Variants in AUH observed in about 807,000 individuals in gnomAD.
AUH encodes the protein methylglutaconyl-CoA hydratase, mitochondrial.
A neutral mutation model predicts 42.3 loss-of-function variants in AUH; 29 were observed. That is an observed-to-expected ratio of 0.69 (90% CI 0.51 to 0.93). The LOEUF (loss-of-function observed/expected upper bound fraction) is 0.93, where lower values mean the gene tolerates loss of function less well. AUH is among the 40% of genes least tolerant of loss of function. The pLI, the probability that AUH is intolerant of heterozygous loss-of-function variation, is 0.00. For synonymous variants in AUH, 174 were observed against 166.4 expected (o/e 1.05, Z -0.35); for missense variants, 452 against 438.1 (o/e 1.03, Z -0.28).
At chr9:91,233,818 G>A (rs547734665) in intron 6 of AUH, among the ~76,000 whole-genome samples, 6 of 152,272 alleles carry the variant, frequency 3.9e-5, no homozygotes, top group Non-Finnish European at 8.8e-5. Flanking sequence ...TAAGGTTGTG[G>A]TTTTTGCAGA....
intron 4 of AUH, among the ~76,000 whole-genome samples, chr9:91,316,694 T>C (rs1236771549): frequency 1.3e-5 from 2 of 152,236 alleles, no homozygotes; most frequent in African/African-American, 2.4e-5. Context: ...TGAAATGTTT[T>C]TCTGTCATGT....
At position 91,308,348 on chromosome 9, in the gene AUH, G is replaced by A. The variant is rs77260824; in HGVS notation, c.506-10272C>T. ...TGCACTTCAGCCTGGGCAAGAGAGC[G>A]AGACACTGTCTCTAAAAACAAGAAA... On this transcript the variant is annotated intron_variant, in intron 4 of 9. Coordinates refer to ENST00000375731, the MANE Select transcript of AUH (RefSeq NM_001698.3). Among the ~76,000 whole-genome samples, 969 of 152,252 alleles carry A rather than the reference G, an allele frequency of 6.4e-3. 6 individuals are homozygous for A. The highest frequency in any genetic ancestry group is 0.022 in the African/African-American group (909 of 41,530).
chr9:91,309,495 G>A (rs1448846678), intron 4 of AUH, among the ~76,000 whole-genome samples: 4 of 152,132 alleles, frequency 2.6e-5, no homozygotes, highest in Non-Finnish European at 5.9e-5. Flanking sequence ...ATAAAAGAAT[G>A]AAACCACGTC....
At chr9:91,280,907 C>T (rs1825907382) in intron 6 of AUH, among the ~76,000 whole-genome samples, 1 of 152,202 alleles carries the variant, frequency 6.6e-6, no homozygotes, top group African/African-American at 2.4e-5. Context: ...CTACAACACA[C>T]TTTCTCCATT....
chr9:91,257,164 C>G (rs993128467), intron 6 of AUH, among the ~76,000 whole-genome samples: 1 of 152,068 alleles, frequency 6.6e-6, no homozygotes, highest in Non-Finnish European at 1.5e-5. Flanking sequence ...AAAATGGTTA[C>G]GTTGATCTAG....
At chr9:91,349,221 T>C (rs1046083153) in intron 3 of AUH, among the ~76,000 whole-genome samples, 8 of 152,214 alleles carry the variant, frequency 5.3e-5, no homozygotes, top group Non-Finnish European at 1.0e-4. Flanking sequence ...AGTCACTCTT[T>C]AGTCATAACA....
intron 6 of AUH, among the ~76,000 whole-genome samples, chr9:91,258,580 A>C (rs1829536078): frequency 6.6e-6 from 1 of 152,178 alleles, no homozygotes; most frequent in South Asian, 2.1e-4. Flanking sequence ...CACTGGCAAA[A>C]ACCTATGGGA....
chr9:91,282,155 T>A lies in AUH; in HGVS notation c.655+13866A>T, dbSNP rs1332056612. Reference sequence around the variant, plus strand: ...GATGTGGTGAATGTTCCAAGCACACTCCCATCTAAGGCCTCTTTACTAGTT... The same window carrying A: ...GATGTGGTGAATGTTCCAAGCACACACCCATCTAAGGCCTCTTTACTAGTT... On this transcript the variant is annotated intron_variant, in intron 6 of 9. Transcript: ENST00000375731. Among the ~76,000 whole-genome samples the A allele has an allele frequency of 2.0e-5, 3 of 152,130 alleles. No homozygotes were observed. The East Asian group carries it at 5.8e-4, about 29-fold the overall frequency.
intron 6 of AUH, among the ~76,000 whole-genome samples, chr9:91,246,405 T>C (rs895857789): frequency 2.6e-5 from 4 of 152,290 alleles, no homozygotes; most frequent in South Asian, 4.1e-4. Context: ...GGCACACACA[T>C]GGCATCCTAA....
At chr9:91,235,670 C>T (rs1386986118) in intron 6 of AUH, among the ~76,000 whole-genome samples, 1 of 152,182 alleles carries the variant, frequency 6.6e-6, no homozygotes, top group African/African-American at 2.4e-5. Context: ...TTCAGCTGCT[C>T]AGGTGCAGCC....
At chr9:91,251,615 G>C (rs1829130519) in intron 6 of AUH, among the ~76,000 whole-genome samples, 1 of 152,158 alleles carries the variant, frequency 6.6e-6, no homozygotes. Flanking sequence ...AAGGGAAAGG[G>C]AGCCAAATGT....
intron 4 of AUH, among the ~76,000 whole-genome samples, chr9:91,313,084 T>C (rs1008533018): frequency 1.3e-5 from 2 of 152,160 alleles, no homozygotes; most frequent in African/African-American, 4.8e-5. Flanking sequence ...GGGGTTGTTT[T>C]TTTGGCAAGG....
At chr9:91,242,565 T>C (rs1458436501) in intron 6 of AUH, among the ~76,000 whole-genome samples, 1 of 152,206 alleles carries the variant, frequency 6.6e-6, no homozygotes, top group Non-Finnish European at 1.5e-5. Flanking sequence ...AAACACACCG[T>C]ACTTGCCAAC....
At chr9:91,223,252 G>A (rs1004061397) in intron 6 of AUH, among the ~76,000 whole-genome samples, 6 of 152,250 alleles carry the variant, frequency 3.9e-5, no homozygotes, top group Non-Finnish European at 7.4e-5. Context: ...ACTGCATCCA[G>A]GACTTGATCT....
At chr9:91,276,964 C>G (rs968500066) in intron 6 of AUH, among the ~76,000 whole-genome samples, 1 of 152,126 alleles carries the variant, frequency 6.6e-6, no homozygotes, top group Non-Finnish European at 1.5e-5. Context: ...GTGGGAAAAT[C>G]GTTTGAGCCC....
chr9:91,233,788 A>AGGT (rs1410330220), intron 6 of AUH, among the ~76,000 whole-genome samples: 4 of 152,198 alleles, frequency 2.6e-5, no homozygotes, highest in African/African-American at 9.6e-5. Context: ...CTTCTGTATA[A>AGGT]GGTTACAATG....
intron 3 of AUH, among the ~76,000 whole-genome samples, chr9:91,335,196 G>C (rs1283018977): frequency 6.6e-6 from 1 of 152,212 alleles, no homozygotes; most frequent in African/African-American, 2.4e-5. Context: ...TGAAGTCATT[G>C]TGGCCCGGTG....
intron 3 of AUH, among the ~76,000 whole-genome samples, chr9:91,336,840 T>C (rs1830731072): frequency 6.6e-6 from 1 of 152,336 alleles, no homozygotes; most frequent in East Asian, 1.9e-4. Flanking sequence ...TGCAATGTTT[T>C]TGAAAACACT....
chr9:91,284,390 G>C (rs931949308), intron 6 of AUH, among the ~76,000 whole-genome samples: 1 of 152,090 alleles, frequency 6.6e-6, no homozygotes, highest in East Asian at 1.9e-4. Flanking sequence ...TACCATTCAG[G>C]ATACAGGCAT....
Sources: gnomAD v4.1 joint callset for allele counts (sites outside exome capture counted in the v4.1 genomes callset) on GRCh38, gnomAD v4.1.1 for gene constraint, MANE v1.5 for transcripts, NCBI Gene and HGNC (gene_info 2026-07-23, HGNC 2026-07-21) for gene names.